The following SPMIP2 variants were observed in gnomAD, a reference collection of about 807,000 sequenced individuals.
The protein encoded by SPMIP2 is sperm microtubule inner protein 2, also known as protein SPMIP2.
the SPMIP2 span, among the ~76,000 whole-genome samples, chr4:159,016,922 A>G: frequency 1.3e-5 from 2 of 152,132 alleles, no homozygotes; most frequent in African/African-American, 4.8e-5. Context: ...CAGTGAACAT[A>G]AGTAACTACC....
chr4:159,070,167 T>A, the SPMIP2 span, among the ~76,000 whole-genome samples: 1 of 152,056 alleles, frequency 6.6e-6, no homozygotes, highest in Non-Finnish European at 1.5e-5. Context: ...ATAAACAGAA[T>A]GTGCCAAAAC....
chr4:158,960,346 T>A, the SPMIP2 span: 2 of 1,535,936 alleles, frequency 1.3e-6, no homozygotes, highest in African/African-American at 2.7e-5. Flanking sequence ...TTCTTCATAC[T>A]GTAAAAGGAA....
the SPMIP2 span, among the ~76,000 whole-genome samples, chr4:159,008,641 TAGA>T: frequency 5.9e-5 from 9 of 152,202 alleles, no homozygotes; most frequent in Non-Finnish European, 1.0e-4. Context: ...TGGTAAATGT[TAGA>T]TGATGATGAA....
chr4:159,017,705 C>T, the SPMIP2 span, among the ~76,000 whole-genome samples: 2 of 152,176 alleles, frequency 1.3e-5, no homozygotes, highest in Admixed American at 6.5e-5. Flanking sequence ...AAATAGGCCG[C>T]TTCACAAGAT....
chr4:158,988,328 T>C, the SPMIP2 span, among the ~76,000 whole-genome samples: 1 of 152,318 alleles, frequency 6.6e-6, no homozygotes, highest in East Asian at 1.9e-4. Context: ...GAGGAGCTGG[T>C]ACCATTCCTT....
the SPMIP2 span, among the ~76,000 whole-genome samples, chr4:159,043,449 G>A: frequency 1.3e-5 from 2 of 152,124 alleles, no homozygotes; most frequent in African/African-American, 2.4e-5. Context: ...CAGGGTTCAC[G>A]CCATTCTCCT....
chr4:158,979,262 C>T, the SPMIP2 span, among the ~76,000 whole-genome samples: 1 of 152,308 alleles, frequency 6.6e-6, no homozygotes, highest in Non-Finnish European at 1.5e-5. Flanking sequence ...GCGAGAATTT[C>T]AAGCCAGTGG....
chr4:159,012,283 G>A, the SPMIP2 span, among the ~76,000 whole-genome samples: 1 of 152,042 alleles, frequency 6.6e-6, no homozygotes, highest in Non-Finnish European at 1.5e-5. Context: ...CAGAGTATTG[G>A]CACTTAGAGA....
the SPMIP2 span, among the ~76,000 whole-genome samples, chr4:158,899,479 C>T: frequency 2.6e-5 from 4 of 152,186 alleles, no homozygotes; most frequent in African/African-American, 7.2e-5. Flanking sequence ...CCATCTGGTC[C>T]TGGACATTTT....
the SPMIP2 span, among the ~76,000 whole-genome samples, chr4:159,078,935 C>T: frequency 0.58 from 87,983 of 151,672 alleles, 25,658 homozygotes; most frequent in Admixed American, 0.62. Context: ...TTGGCCAACA[C>T]AGTGAAACCC....
chr4:158,997,817 T>A, the SPMIP2 span, among the ~76,000 whole-genome samples: 2 of 152,110 alleles, frequency 1.3e-5, no homozygotes, highest in East Asian at 3.9e-4. Flanking sequence ...CACACTCGGC[T>A]AATTTTTAAA....
chr4:158,974,684 A>G, the SPMIP2 span, among the ~76,000 whole-genome samples: 1 of 152,212 alleles, frequency 6.6e-6, no homozygotes, highest in African/African-American at 2.4e-5. Flanking sequence ...TATATGTGCC[A>G]CAATTTGTTT....
chr4:158,988,498 T>A, the SPMIP2 span, among the ~76,000 whole-genome samples: 1 of 152,184 alleles, frequency 6.6e-6, no homozygotes, highest in South Asian at 2.1e-4. Context: ...AATAAAATAT[T>A]GGCAAACTCA....
the SPMIP2 span, chr4:159,026,238 G>C: frequency 3.9e-6 from 2 of 514,488 alleles, no homozygotes; most frequent in Admixed American, 2.5e-5. Context: ...CAATGGCCAA[G>C]CCAGAGTGTA....
the SPMIP2 span, among the ~76,000 whole-genome samples, chr4:159,068,488 C>T: frequency 7.1e-6 from 1 of 141,708 alleles, no homozygotes; most frequent in Non-Finnish European, 1.5e-5. Flanking sequence ...GGAAGGGGAA[C>T]ATCACACACC....
chr4:159,017,191 G>A, the SPMIP2 span, among the ~76,000 whole-genome samples: 4 of 152,152 alleles, frequency 2.6e-5, no homozygotes, highest in African/African-American at 9.7e-5. Flanking sequence ...AGCAAAAACA[G>A]TGTACAATGA....
the SPMIP2 span, among the ~76,000 whole-genome samples, chr4:158,913,189 C>T: frequency 0.55 from 83,631 of 152,080 alleles, 23,955 homozygotes; most frequent in East Asian, 0.88. Flanking sequence ...TTACAAAGGT[C>T]GTCAGTTAAT....
At chr4:158,904,349 A>G in the SPMIP2 span, 1 of 891,750 alleles carries the variant, frequency 1.1e-6, no homozygotes, top group Non-Finnish European at 1.7e-6. Context: ...TTAGTTTTAA[A>G]TGATAATCTA....
At chr4:159,039,564 G>C in the SPMIP2 span, among the ~76,000 whole-genome samples, 5 of 152,326 alleles carry the variant, frequency 3.3e-5, no homozygotes, top group East Asian at 9.6e-4. Context: ...ACTAGATGTG[G>C]ATTTGTACAT....
Sources: allele counts gnomAD v4.1 joint callset (sites outside exome capture counted in the v4.1 genomes callset), GRCh38; gene constraint gnomAD v4.1.1; transcripts MANE v1.5; gene names NCBI Gene and HGNC (gene_info 2026-07-23, HGNC 2026-07-21).